The following KCNIP4 variants were observed in gnomAD, a reference collection of about 807,000 sequenced individuals.
The protein encoded by KCNIP4 is Kv channel-interacting protein 4.
KCNIP4 carries 12 observed loss-of-function variants against 34.0 expected under a neutral mutation model. The ratio of observed to expected loss-of-function variants is 0.35; its 90% confidence interval spans 0.23 to 0.57. The LOEUF (loss-of-function observed/expected upper bound fraction) is 0.57, where lower values mean the gene tolerates loss of function less well. KCNIP4 is among the 20% of genes least tolerant of loss of function. KCNIP4 has a pLI of 0.83. For missense variants in KCNIP4, 238 were observed against 311.7 expected (o/e 0.76, Z 1.78); for synonymous variants, 124 against 102.2 (o/e 1.21, Z -1.29).
intron 1 of KCNIP4, among the ~76,000 whole-genome samples, chr4:20,983,298 G>A (rs1326920203): frequency 1.3e-5 from 2 of 152,168 alleles, no homozygotes; most frequent in East Asian, 3.8e-4. Context: ...AATGTTCAAA[G>A]CACATTTTTG....
chr4:21,615,578 A>G (rs1744538746), intron 1 of KCNIP4, among the ~76,000 whole-genome samples: 1 of 151,830 alleles, frequency 6.6e-6, no homozygotes, highest in African/African-American at 2.4e-5. Flanking sequence ...AAAAAAACAT[A>G]TAAAAGTAAC....
intron 1 of KCNIP4, chr4:21,609,017 T>C (rs1743943191): frequency 1.3e-5 from 2 of 152,166 alleles, no homozygotes; most frequent in African/African-American, 4.8e-5. Flanking sequence ...ATTTCATCCA[T>C]ATTAAGAGAT....
At chr4:21,385,279 G>T (rs1309560172) in intron 1 of KCNIP4, among the ~76,000 whole-genome samples, 1 of 152,118 alleles carries the variant, frequency 6.6e-6, no homozygotes. Flanking sequence ...GCAAATGCTG[G>T]GTGATTTAAG....
intron 1 of KCNIP4, among the ~76,000 whole-genome samples, chr4:21,869,771 TAGATAGATAGATAGACAGACAGAC>T (rs1343008342): frequency 1.1e-4 from 14 of 123,282 alleles, no homozygotes; most frequent in African/African-American, 3.8e-4. Context: ...GATAGATAGA[TAGATAGATAGATAGACAGACAGAC>T]AGATAGATAG....
intron 1 of KCNIP4, chr4:20,916,258 T>C (rs933442747): frequency 1.1e-6 from 1 of 919,432 alleles, no homozygotes; most frequent in Non-Finnish European, 1.3e-6. Context: ...AAGAGCTCTC[T>C]TCTCTGACCT....
At chr4:21,826,165 C>A (rs777450401) in intron 1 of KCNIP4, among the ~76,000 whole-genome samples, 4 of 152,118 alleles carry the variant, frequency 2.6e-5, no homozygotes, top group African/African-American at 4.8e-5. Flanking sequence ...ATAAGCCATG[C>A]AGAGCCATCT....
chr4:20,846,702 C>T (rs11725280), intron 3 of KCNIP4, among the ~76,000 whole-genome samples: 6,520 of 152,108 alleles, frequency 0.043, 184 homozygotes, highest in Admixed American at 0.084. Context: ...AGACTTCATG[C>T]GATTCCAATG....
intron 1 of KCNIP4, among the ~76,000 whole-genome samples, chr4:21,525,065 T>C (rs1735859665): frequency 6.6e-6 from 1 of 152,138 alleles, no homozygotes; most frequent in Admixed American, 6.6e-5. Flanking sequence ...TTCCATGCTT[T>C]ATTTGACAAA....
intron 1 of KCNIP4, among the ~76,000 whole-genome samples, chr4:21,347,666 A>C (rs188610559): frequency 1.4e-3 from 209 of 152,298 alleles, no homozygotes; most frequent in African/African-American, 4.9e-3. Flanking sequence ...TATTTAAGTA[A>C]GATGTTACAT....
intron 1 of KCNIP4, among the ~76,000 whole-genome samples, chr4:21,811,335 C>T (rs1379739659): frequency 1.3e-5 from 2 of 152,082 alleles, no homozygotes; most frequent in African/African-American, 4.8e-5. Context: ...ATAGGGTATA[C>T]AGTACTATAT....
chr4:20,812,164 G>A (rs921184903), intron 3 of KCNIP4, among the ~76,000 whole-genome samples: 6 of 152,192 alleles, frequency 3.9e-5, no homozygotes, highest in African/African-American at 1.4e-4. Context: ...CAAAGGCTAA[G>A]GAAAGGCAAT....
At chr4:21,615,416 G>T (rs1744514345) in intron 1 of KCNIP4, among the ~76,000 whole-genome samples, 1 of 151,710 alleles carries the variant, frequency 6.6e-6, no homozygotes, top group Non-Finnish European at 1.5e-5. Context: ...AATGGTGGTG[G>T]GCGCCTGTAG....
intron 1 of KCNIP4, among the ~76,000 whole-genome samples, chr4:21,276,599 C>G (rs1419296051): frequency 1.3e-5 from 2 of 152,092 alleles, no homozygotes; most frequent in African/African-American, 4.8e-5. Context: ...CAACTTGACC[C>G]TGGTCTATGT....
intron 3 of KCNIP4, among the ~76,000 whole-genome samples, chr4:20,801,644 A>G (rs1445739059): frequency 1.3e-5 from 2 of 152,142 alleles, no homozygotes; most frequent in Non-Finnish European, 2.9e-5. Flanking sequence ...AAGATGTTTT[A>G]TGTAAGCCTC....
chr4:21,223,731 T>C (rs1758149653), intron 1 of KCNIP4, among the ~76,000 whole-genome samples: 1 of 152,208 alleles, frequency 6.6e-6, no homozygotes, highest in African/African-American at 2.4e-5. Context: ...ACCAATGCAA[T>C]CTATCGGTGT....
At chr4:21,300,549 A>G (rs1467339945) in intron 1 of KCNIP4, among the ~76,000 whole-genome samples, 1 of 150,068 alleles carries the variant, frequency 6.7e-6, no homozygotes, top group Non-Finnish European at 1.5e-5. Flanking sequence ...GAGTTAATAA[A>G]TAATAATATG....
chr4:20,979,369 A>G (rs1403052352), intron 1 of KCNIP4, among the ~76,000 whole-genome samples: 13 of 151,360 alleles, frequency 8.6e-5, no homozygotes, highest in Admixed American at 7.9e-4. Context: ...CTACAAAAGC[A>G]TAACTAGTAT....
rs150166094 is a variant in KCNIP4 at position 20,754,829 on chromosome 4, T to TC, written c.358+3991dup. The stretch of plus-strand genomic sequence containing the variant: ...GATATAATTTTAATGTGGAGCTCTA[T>TC]CCAAGTTTTAGTATGTAATAACTTG... On this transcript the variant is annotated intron_variant, in intron 4 of 8. Coordinates refer to ENST00000382152, the MANE Select transcript of KCNIP4 (RefSeq NM_025221.6). 8.8e-3 allele frequency among the ~76,000 whole-genome samples: 1,338 copies of TC among 152,332 alleles called. 14 individuals are homozygous for TC. Among genetic ancestry groups the TC allele is most frequent in the African/African-American group, 0.031 (1,269 of 41,574 alleles).
intron 1 of KCNIP4, among the ~76,000 whole-genome samples, chr4:21,026,081 G>A (rs1237695473): frequency 6.6e-6 from 1 of 152,108 alleles, no homozygotes; most frequent in East Asian, 1.9e-4. Context: ...GGACAAAGTT[G>A]CTGTGATAAC....
Sources: allele counts gnomAD v4.1 joint callset (sites outside exome capture counted in the v4.1 genomes callset), GRCh38; gene constraint gnomAD v4.1.1; transcripts MANE v1.5; gene names NCBI Gene and HGNC (gene_info 2026-07-23, HGNC 2026-07-21).